Variants in RLN2 observed in about 807,000 individuals in gnomAD.
RLN2 encodes the protein relaxin 2.
RLN2 carries 10 observed loss-of-function variants against 7.3 expected under a neutral mutation model. The observed-to-expected ratio is 1.36, with a 90% CI of 0.84 to 2.31. The LOEUF (loss-of-function observed/expected upper bound fraction) is 2.31. Ranked by LOEUF, RLN2 falls within the 30% of genes most tolerant of loss-of-function variation. RLN2 has a pLI of 0.00. For missense variants in RLN2, 298 were observed against 217.6 expected (o/e 1.37, Z -2.32); for synonymous variants, 103 against 82.3 (o/e 1.25, Z -1.36).
At chr9:5,301,792 T>C (rs941803706) in intron 1 of RLN2, among the ~76,000 whole-genome samples, 3 of 151,906 alleles carry the variant, frequency 2.0e-5, no homozygotes, top group African/African-American at 4.8e-5. Context: ...GTTCCCCTTC[T>C]AGCCAACAAA....
chr9:5,335,146 G>T, the RLN2 span: 1 of 623,224 alleles, frequency 1.6e-6, no homozygotes, highest in South Asian at 3.2e-5. Context: ...CATTAATAAA[G>T]ATTTCTTATA....
chr9:5,323,661 T>C, the RLN2 span, among the ~76,000 whole-genome samples: 1 of 152,020 alleles, frequency 6.6e-6, no homozygotes, highest in Non-Finnish European at 1.5e-5. Context: ...TTAAAATATC[T>C]AACCTAATAG....
chr9:5,300,488 G>T, intron 1 of RLN2, 44 bp from the exon 2 acceptor site: 1 of 1,298,870 alleles, frequency 7.7e-7, no homozygotes, highest in Non-Finnish European at 1.1e-6. Context: ...GTATATTCAT[G>T]TCAAAGAGCA....
the RLN2 span, among the ~76,000 whole-genome samples, chr9:5,323,580 C>G: frequency 1.3e-5 from 2 of 151,784 alleles, no homozygotes; most frequent in African/African-American, 2.4e-5. Context: ...TATGAAAGCT[C>G]TAATTGCTGT....
At chr9:5,316,263 C>T in the RLN2 span, among the ~76,000 whole-genome samples, 8 of 151,774 alleles carry the variant, frequency 5.3e-5, no homozygotes, top group South Asian at 1.3e-3. Context: ...GGACTTTCTT[C>T]TGCTTTTTTG....
At chr9:5,325,931 A>G in the RLN2 span, among the ~76,000 whole-genome samples, 3 of 152,022 alleles carry the variant, frequency 2.0e-5, no homozygotes, top group Non-Finnish European at 2.9e-5. Context: ...TGTAAAATCC[A>G]TGTAACACAC....
chr9:5,316,363 T>C, the RLN2 span, among the ~76,000 whole-genome samples: 2 of 151,970 alleles, frequency 1.3e-5, no homozygotes, highest in Non-Finnish European at 2.9e-5. Context: ...TACATAGGTA[T>C]ACACATGCCA....
chr9:5,326,945 G>C, the RLN2 span, among the ~76,000 whole-genome samples: 4 of 152,108 alleles, frequency 2.6e-5, no homozygotes, highest in Admixed American at 2.0e-4. Context: ...GGCCCAATAG[G>C]AACAGCTCCA....
chr9:5,302,289 T>A (rs1341604502), intron 1 of RLN2, among the ~76,000 whole-genome samples: 1 of 152,212 alleles, frequency 6.6e-6, no homozygotes, highest in Non-Finnish European at 1.5e-5. Context: ...ATTCACTTAT[T>A]ATTTTGGATG....
upstream of RLN2, chr9:5,304,780 C>T: frequency 1.7e-6 from 1 of 603,708 alleles, no homozygotes; most frequent in South Asian, 2.0e-5. Flanking sequence ...TTCCCACACC[C>T]CTCCACAGAA....
At chr9:5,335,160 TA>T in the RLN2 span, 1 of 688,004 alleles carries the variant, frequency 1.5e-6, no homozygotes, top group Non-Finnish European at 2.4e-6. Context: ...TCTTATATTC[TA>T]ATAATTAGTG....
the RLN2 span, among the ~76,000 whole-genome samples, chr9:5,318,026 G>GTGTGTGTGTGTC: frequency 6.6e-6 from 1 of 151,786 alleles, no homozygotes; most frequent in African/African-American, 2.4e-5. Flanking sequence ...GTGTGTGTGT[G>GTGTGTGTGTGTC]TGTCTGTATA....
chr9:5,321,486 C>T, the RLN2 span, among the ~76,000 whole-genome samples: 2 of 152,020 alleles, frequency 1.3e-5, no homozygotes, highest in East Asian at 3.9e-4. Flanking sequence ...GTCATTTTTA[C>T]TAAATGTAGG....
At chr9:5,330,706 C>T in the RLN2 span, among the ~76,000 whole-genome samples, 1 of 141,092 alleles carries the variant, frequency 7.1e-6, no homozygotes, top group Admixed American at 7.1e-5. Flanking sequence ...AATTCAAAAG[C>T]TAGCTAGCAG....
At chr9:5,305,352 G>A (rs138637277), upstream of RLN2, among the ~76,000 whole-genome samples, 332 of 133,306 alleles carry the variant, frequency 2.5e-3, 4 homozygotes, top group African/African-American at 8.3e-3. Flanking sequence ...GGAGACTGGA[G>A]AACATACCAC....
At chr9:5,323,947 C>T in the RLN2 span, among the ~76,000 whole-genome samples, 1 of 151,946 alleles carries the variant, frequency 6.6e-6, no homozygotes, top group East Asian at 1.9e-4. Flanking sequence ...ACCCAGGAGG[C>T]TGAGGAAGGA....
the RLN2 span, among the ~76,000 whole-genome samples, chr9:5,330,645 A>T: frequency 4.0e-5 from 6 of 150,088 alleles, no homozygotes; most frequent in African/African-American, 1.5e-4. Flanking sequence ...CTCAAAAAAA[A>T]AAAAAAAAAA....
chr9:5,331,532 T>C, the RLN2 span, among the ~76,000 whole-genome samples: 1 of 151,756 alleles, frequency 6.6e-6, no homozygotes, highest in East Asian at 1.9e-4. Context: ...ATGGATGAAG[T>C]TGGAAACCAT....
chr9:5,316,182 T>C, the RLN2 span, among the ~76,000 whole-genome samples: 22 of 152,202 alleles, frequency 1.4e-4, no homozygotes, highest in Non-Finnish European at 2.1e-4. Context: ...TATATATTTG[T>C]ACATCTGTAC....
Sources: gnomAD v4.1 joint callset for allele counts (sites outside exome capture counted in the v4.1 genomes callset) on GRCh38, gnomAD v4.1.1 for gene constraint, MANE v1.5 for transcripts, NCBI Gene and HGNC (gene_info 2026-07-23, HGNC 2026-07-21) for gene names.